RABGAP1: variants seen among roughly 807,000 people sequenced by gnomAD.
The protein encoded by RABGAP1 is RAB GTPase activating protein 1.
A neutral mutation model predicts 137.6 loss-of-function variants in RABGAP1; 23 were observed. That is an observed-to-expected ratio of 0.17 (90% CI 0.12 to 0.24). The LOEUF (loss-of-function observed/expected upper bound fraction) is 0.24, where lower values mean the gene tolerates loss of function less well. Ranked by LOEUF, RABGAP1 falls within the 10% of genes least tolerant of loss-of-function variation. The pLI is 1.00. For missense variants in RABGAP1, 906 were observed against 1,275.8 expected, an observed-to-expected ratio of 0.71 and a Z score of 4.42; for synonymous variants, 451 against 450.7, an observed-to-expected ratio of 1.00 and a Z score of -0.01.
chr9:123,087,354 T>TA (rs1465425599), intron 19 of RABGAP1, among the ~76,000 whole-genome samples: 1 of 152,224 alleles, frequency 6.6e-6, no homozygotes, highest in Admixed American at 6.5e-5. Context: ...TGTTTTTTTT[T>TA]AATAAAGTGC....
intron 2 of RABGAP1, among the ~76,000 whole-genome samples, chr9:122,980,966 A>G (rs764252798): frequency 6.6e-6 from 1 of 152,144 alleles, no homozygotes; most frequent in Non-Finnish European, 1.5e-5. Context: ...TTTGCGATTT[A>G]GATTTGAGGC....
chr9:123,032,531 C>A (rs543346862), intron 13 of RABGAP1, among the ~76,000 whole-genome samples: 1 of 152,148 alleles, frequency 6.6e-6, no homozygotes, highest in Non-Finnish European at 1.5e-5. Flanking sequence ...TGTAATTCAT[C>A]GCATTCTGAT....
At chr9:122,987,206 T>C (rs908374204) in intron 4 of RABGAP1, among the ~76,000 whole-genome samples, 2 of 152,158 alleles carry the variant, frequency 1.3e-5, no homozygotes, top group Non-Finnish European at 2.9e-5. Context: ...TTTATACTAA[T>C]AGAACAAATA....
chr9:122,966,283 G>A (rs1835138554), intron 2 of RABGAP1, among the ~76,000 whole-genome samples: 1 of 152,138 alleles, frequency 6.6e-6, no homozygotes, highest in Admixed American at 6.5e-5. Context: ...CCAGCACTAT[G>A]GGAGGCTGAG....
intron 1 of RABGAP1, among the ~76,000 whole-genome samples, chr9:122,956,364 A>C (rs537392246): frequency 6.6e-6 from 1 of 151,704 alleles, no homozygotes; most frequent in Non-Finnish European, 1.5e-5. Flanking sequence ...CACAATAACT[A>C]AGTGCTTTCC....
intron 13 of RABGAP1, among the ~76,000 whole-genome samples, chr9:123,038,506 C>A (rs2032788037): frequency 1.0e-5 from 1 of 100,214 alleles, no homozygotes. Context: ...TTTGAAAAAT[C>A]TGCATGTTGA....
intron 21 of RABGAP1, among the ~76,000 whole-genome samples, chr9:123,094,214 A>C (rs1234953369): frequency 1.3e-5 from 2 of 152,080 alleles, no homozygotes; most frequent in African/African-American, 4.8e-5. Context: ...TCTTCCTTTC[A>C]TATTTATCTG....
intron 2 of RABGAP1, among the ~76,000 whole-genome samples, chr9:122,968,375 A>G (rs1438170279): frequency 6.6e-6 from 1 of 151,594 alleles, no homozygotes; most frequent in Non-Finnish European, 1.5e-5. Context: ...GGCGTGCACC[A>G]CTATGCCCGG....
At chr9:122,945,819 TAAC>T (rs1280643372) in intron 1 of RABGAP1, among the ~76,000 whole-genome samples, 2 of 152,336 alleles carry the variant, frequency 1.3e-5, no homozygotes, top group East Asian at 3.9e-4. Flanking sequence ...AGTCAAACTT[TAAC>T]AACAATTTGA....
intron 13 of RABGAP1, among the ~76,000 whole-genome samples, chr9:123,048,911 G>A (rs749734450): frequency 7.9e-5 from 12 of 152,136 alleles, no homozygotes; most frequent in Non-Finnish European, 4.4e-5. Flanking sequence ...ATTTGGGACC[G>A]TTTTGCCAAA....
In RABGAP1 at chr9:123,103,219, G is replaced by C; in HGVS notation, c.*6G>C. On this transcript the variant is annotated 3_prime_UTR_variant, in exon 26 of 26. Transcript: ENST00000373647. ...AAGGGAAAGAGACTTGCTGAGAGCAGCTGCCGCCTCCCGACACCTTCAGAA... is the reference window on the plus strand; with the variant it reads ...AAGGGAAAGAGACTTGCTGAGAGCACCTGCCGCCTCCCGACACCTTCAGAA... 1 of 1,613,478 alleles carries C rather than the reference G, an allele frequency of 6.2e-7. No homozygotes were observed. Among genetic ancestry groups the C allele is most frequent in the Non-Finnish European group, 8.5e-7 (1 of 1,179,790 alleles).
intron 13 of RABGAP1, among the ~76,000 whole-genome samples, chr9:123,043,634 G>C (rs10465141): frequency 0.39 from 59,784 of 151,478 alleles, 14,554 homozygotes; most frequent in South Asian, 0.59. Flanking sequence ...GAAGTGTTTG[G>C]GGGGTGAGGG....
intron 17 of RABGAP1, among the ~76,000 whole-genome samples, chr9:123,075,565 T>C (rs1564178787): frequency 1.3e-5 from 2 of 152,226 alleles, no homozygotes; most frequent in South Asian, 2.1e-4. Context: ...TGTGCTATAC[T>C]TTATGTAACC....
chr9:123,035,653 TGTGTGTGTG>T, intron 13 of RABGAP1: 1 of 373,426 alleles, frequency 2.7e-6, no homozygotes, highest in Non-Finnish European at 4.4e-6. Context: ...TGTGTGTGTG[TGTGTGTGTG>T]TGTGTGTGTG....
At chr9:123,088,411 A>G (rs1379521001) in intron 19 of RABGAP1, among the ~76,000 whole-genome samples, 1 of 151,838 alleles carries the variant, frequency 6.6e-6, no homozygotes, top group African/African-American at 2.4e-5. Context: ...ATTATATCTC[A>G]TAACTTTTGA....
chr9:122,966,341 A>G (rs745945047), intron 2 of RABGAP1, among the ~76,000 whole-genome samples: 1 of 152,036 alleles, frequency 6.6e-6, no homozygotes, highest in Admixed American at 6.6e-5. Context: ...CCTGGCCAAC[A>G]TGGTGACGCC....
intron 13 of RABGAP1, chr9:123,062,042 G>T (rs572287274): frequency 1.3e-5 from 2 of 152,352 alleles, no homozygotes; most frequent in South Asian, 4.1e-4. Context: ...AGGTCAAGGC[G>T]TGCGCATCAC....
At chr9:122,985,640 G>C (rs925821576) in intron 3 of RABGAP1, among the ~76,000 whole-genome samples, 10 of 145,894 alleles carry the variant, frequency 6.9e-5, no homozygotes, top group Non-Finnish European at 1.5e-4. Flanking sequence ...AAAGATGACA[G>C]TCAGAGATAG....
At chr9:122,971,531 G>A (rs112807396) in intron 2 of RABGAP1, 3 of 152,094 alleles carry the variant, frequency 2.0e-5, no homozygotes, top group African/African-American at 7.2e-5. Flanking sequence ...GAATTATTAG[G>A]TATAACCTTA....
Sources: allele counts gnomAD v4.1 joint callset (sites outside exome capture counted in the v4.1 genomes callset), GRCh38; gene constraint gnomAD v4.1.1; transcripts MANE v1.5; gene names NCBI Gene and HGNC (gene_info 2026-07-23, HGNC 2026-07-21).